Variants in CACTIN observed in about 807,000 individuals in gnomAD.
CACTIN encodes cactin, spliceosome C complex subunit, also known as splicing factor Cactin.
A neutral mutation model predicts 84.9 loss-of-function variants in CACTIN; 20 were observed. The ratio of observed to expected loss-of-function variants is 0.24; its 90% CI spans 0.17 to 0.34. The LOEUF is 0.34. Among genes scored for constraint, CACTIN ranks in the 10% least tolerant of loss-of-function variants. CACTIN has a pLI of 1.00. For missense variants in CACTIN, 897 were observed against 1,117.2 expected (o/e 0.80, Z 2.81); for synonymous variants, 549 against 467.9 (o/e 1.17, Z -2.24).
At chr19:3,617,834 G>A (rs1033941245) in intron 6 of CACTIN, among the ~76,000 whole-genome samples, 3 of 152,202 alleles carry the variant, frequency 2.0e-5, no homozygotes, top group Non-Finnish European at 4.4e-5. Context: ...CTGAGGTTAC[G>A]GGAGAATGTG....
Position 3,624,793 on chromosome 19 carries a change from C to T in CACTIN, c.168-631G>A, listed in dbSNP as rs539920515. On this transcript the variant is annotated intron_variant, in intron 1 of 9. Transcript: ENST00000429344. ...ATGGACAGGAGTTAACAGAGTAGAG[C>T]GCAGGGAATGGAAGATGCACAACCT... 7.2e-5 allele frequency among the ~76,000 whole-genome samples: 11 copies of T among 152,082 alleles called. No individual in the cohort carries two copies. The East Asian group carries it at 7.7e-4, about 11-fold the overall frequency.
rs761769889 is a variant in CACTIN, at chr19:3,619,263, T to G, written c.885-21A>C. On this transcript the variant is annotated intron_variant, in intron 4 of 9. Coordinates refer to ENST00000429344, the MANE Select transcript of CACTIN (RefSeq NM_001080543.2). ...TGGAACTGTGGGGAGCAGGGGAAGG[T>G]GGCATCAGAGCCTGGGCTGTGCCCT... 23 of 1,609,332 alleles carry G rather than the reference T, an allele frequency of 1.4e-5. No homozygotes were observed. In the South Asian group the frequency reaches 2.2e-4, roughly 15 times the overall value.
intron 6 of CACTIN, 51 bp downstream of exon 6, chr19:3,618,824 C>T: frequency 7.2e-7 from 1 of 1,391,830 alleles, no homozygotes. Context: ...TCTGGGTGAA[C>T]ACTGTAGCCC....
At chr19:3,618,747 G>T in intron 6 of CACTIN, 128 bp downstream of exon 6, 2 of 741,836 alleles carry the variant, frequency 2.7e-6, no homozygotes, top group Non-Finnish European at 2.2e-6. Flanking sequence ...CGGCCCAGAA[G>T]GGGAGGCCCC....
At position 3,613,050 on chromosome 19, in the gene CACTIN, G is replaced by T; in HGVS notation, c.1786+8C>A. Reference sequence around the variant, plus strand: ...GCCCCACCCCCTGGCCTCCAGCCCCGCCCTTACCCGTGACCTGGAGCTGCT... The same window carrying T: ...GCCCCACCCCCTGGCCTCCAGCCCCTCCCTTACCCGTGACCTGGAGCTGCT... On this transcript the variant is annotated splice_region_variant and intron_variant, in intron 9 of 9. Coordinates refer to ENST00000429344, the MANE Select transcript of CACTIN (RefSeq NM_001080543.2). The T allele has an allele frequency of 2.4e-6, 2 of 826,420 alleles. No individual in the cohort carries two copies. The highest frequency in any genetic ancestry group is 1.8e-6 in the Non-Finnish European group (1 of 570,494). 51.2% of individuals were successfully genotyped at this position (826,420 alleles called of 1,614,324 possible).
At chr19:3,624,776 GAGTTAACAGAGTAGAGC>G (rs2033300061) in intron 1 of CACTIN, among the ~76,000 whole-genome samples, 2 of 152,264 alleles carry the variant, frequency 1.3e-5, no homozygotes, top group South Asian at 4.2e-4. Context: ...GGATGGACAG[GAGTTAACAGAGTAGAGC>G]GCAGGGAATG....
chr19:3,614,673 G>A, intron 6 of CACTIN, 84 bp from the exon 7 acceptor site: 1 of 1,128,924 alleles, frequency 8.9e-7, no homozygotes, highest in Non-Finnish European at 1.3e-6. Flanking sequence ...CCCCTGCCAT[G>A]GGGGGGTCCC....
chr19:3,623,132 C>T (rs780470486), intron 2 of CACTIN, among the ~76,000 whole-genome samples: 2 of 151,934 alleles, frequency 1.3e-5, no homozygotes, highest in Non-Finnish European at 2.9e-5. Flanking sequence ...CAAGTCAAAA[C>T]GCTGAGGTAG....
In CACTIN at chr19:3,611,377, G is replaced by A. The variant is rs921528154; in HGVS notation, c.*546C>T. The A allele has an allele frequency of 5.4e-5, 24 of 445,462 alleles. No individual in the cohort carries two copies. The highest frequency in any genetic ancestry group is 4.2e-4 in the African/African-American group (21 of 49,530). 27.6% of individuals were successfully genotyped at this position (445,462 alleles called of 1,614,324 possible). A position where few individuals can be genotyped will look rare whatever the true frequency, so the allele number is the denominator to read the frequency against. ...GCCTCAGTGCTGCCTGTGCGGGCGA[G>A]GGTGGCCTGTGGGCAGGGCTGGAGC... On this transcript the variant is annotated 3_prime_UTR_variant, in exon 10 of 10. Coordinates refer to ENST00000429344, the MANE Select transcript of CACTIN (RefSeq NM_001080543.2).
At position 3,610,656 on chromosome 19, in the gene CACTIN, TACA is replaced by T. The variant is rs1482490478; in HGVS notation, c.*1264_*1266del. The T allele has an allele frequency of 3.5e-5, 16 of 452,746 alleles. No homozygotes were observed. The highest frequency in any genetic ancestry group is 1.2e-4 in the Admixed American group (5 of 41,656). The allele number at this position is 452,746 out of a possible 1,614,324, so 28.0% of individuals were successfully genotyped here. A position where few individuals can be genotyped will look rare whatever the true frequency, so the allele number is the denominator to read the frequency against. Reference sequence around the variant, plus strand: ...CTGCAAACCTAAGATTATTCTAAAATACAACGTTTATTAAAAAAACATGCGATC... The same window carrying T: ...CTGCAAACCTAAGATTATTCTAAAATACGTTTATTAAAAAAACATGCGATC... On this transcript the variant is annotated 3_prime_UTR_variant, in exon 10 of 10. Coordinates refer to ENST00000429344, the MANE Select transcript of CACTIN (RefSeq NM_001080543.2).
intron 7 of CACTIN, among the ~76,000 whole-genome samples, chr19:3,614,168 G>A (rs2033051115): frequency 6.6e-6 from 1 of 152,160 alleles, no homozygotes. Flanking sequence ...GACTCCAGGT[G>A]AGGGCACTGG....
chr19:3,620,438 C>A, intron 3 of CACTIN, 166 bp from the exon 4 acceptor site: 1 of 844,524 alleles, frequency 1.2e-6, no homozygotes, highest in Non-Finnish European at 1.9e-6. Context: ...GGAGAGGGCC[C>A]TCCTGCCCGA....
At chr19:3,620,661 C>A in intron 3 of CACTIN, 46 bp downstream of exon 3, 2 of 1,503,734 alleles carry the variant, frequency 1.3e-6, no homozygotes, top group Non-Finnish European at 1.8e-6. Context: ...GGCCTCCAGG[C>A]CCTGGAAAGG....
In CACTIN at chr19:3,613,605, G is replaced by A. The variant is rs1426510634; in HGVS notation, c.1356-19C>T. The A allele has an allele frequency of 6.3e-7, 1 of 1,592,034 alleles. No homozygotes were observed. The highest frequency in any genetic ancestry group is 8.5e-7 in the Non-Finnish European group (1 of 1,176,004). ...ACGCAGCCTGGGACGCAGAGCCGGG[G>A]TCACCCGCATGGAGGCGAAGGGGCT... On this transcript the variant is annotated intron_variant, in intron 7 of 9. Coordinates refer to ENST00000429344, the MANE Select transcript of CACTIN (RefSeq NM_001080543.2).
intron 1 of CACTIN, among the ~76,000 whole-genome samples, 186 bp from the exon 2 acceptor site, chr19:3,624,348 A>G (rs2033291492): frequency 6.6e-6 from 1 of 152,254 alleles, no homozygotes; most frequent in Non-Finnish European, 1.5e-5. Context: ...GGAAGACATC[A>G]ACAAATAAAC....
At chr19:3,624,755 C>G (rs1288873766) in intron 1 of CACTIN, among the ~76,000 whole-genome samples, 1 of 152,070 alleles carries the variant, frequency 6.6e-6, no homozygotes, top group African/African-American at 2.4e-5. Flanking sequence ...GGTATTTGAA[C>G]TAGTCCCACA....
At position 3,611,151 on chromosome 19, in the gene CACTIN, G is replaced by C; in HGVS notation, c.*772C>G. 2.6e-6 allele frequency: 1 copy of C among 388,246 alleles called. No individual in the cohort carries two copies. The highest frequency in any genetic ancestry group is 5.2e-6 in the Non-Finnish European group (1 of 193,006). 24.1% of individuals were successfully genotyped at this position (388,246 alleles called of 1,614,324 possible). On this transcript the variant is annotated 3_prime_UTR_variant, in exon 10 of 10. Transcript: ENST00000429344. The stretch of plus-strand genomic sequence containing the variant: ...CTGCCCTCCAGGCCCTGTGCTCAGA[G>C]GTGGGGGGAGGACGGCTCAGTGACT...
At chr19:3,625,756 C>G (rs10406036) in intron 1 of CACTIN, among the ~76,000 whole-genome samples, 1 of 152,154 alleles carries the variant, frequency 6.6e-6, no homozygotes, top group Admixed American at 6.5e-5. Context: ...AACCAACAAC[C>G]GATGAGTGAA....
chr19:3,623,219 A>T (rs2033260251), intron 2 of CACTIN, among the ~76,000 whole-genome samples: 1 of 152,130 alleles, frequency 6.6e-6, no homozygotes, highest in Non-Finnish European at 1.5e-5. Flanking sequence ...TGGGTGACAG[A>T]GCGAGACCCT....
Sources: allele counts gnomAD v4.1 joint callset (sites outside exome capture counted in the v4.1 genomes callset), GRCh38; gene constraint gnomAD v4.1.1; transcripts MANE v1.5; gene names NCBI Gene and HGNC (gene_info 2026-07-23, HGNC 2026-07-21).